SCNN1D: variants seen among roughly 807,000 people sequenced by gnomAD.
SCNN1D encodes sodium channel epithelial 1 subunit delta.
SCNN1D carries 104 observed loss-of-function variants against 87.8 expected under a neutral mutation model. The observed-to-expected ratio is 1.18, with a 90% CI of 1.01 to 1.39. SCNN1D has a LOEUF of 1.39. SCNN1D is among the 40% of genes most tolerant of loss of function. The pLI is 0.00. For synonymous variants in SCNN1D, 628 were observed against 481.2 expected (o/e 1.31, Z -3.99); for missense variants, 1,324 against 1,093.9 (o/e 1.21, Z -2.97).
intron 4 of SCNN1D, among the ~76,000 whole-genome samples, chr1:1,282,816 G>A (rs983697719): frequency 7.9e-5 from 12 of 151,140 alleles, no homozygotes; most frequent in African/African-American, 2.2e-4. Context: ...GCAGTGGCAC[G>A]ATCTCGGCTC....
At chr1:1,286,412 A>C in intron 7 of SCNN1D, 134 bp downstream of exon 7, 4 of 756,808 alleles carry the variant, frequency 5.3e-6, no homozygotes, top group Non-Finnish European at 8.3e-6. Context: ...CCTCCTGGTC[A>C]CTGTGACCTC....
At position 1,287,996 on chromosome 1, in the gene SCNN1D, G is replaced by A. The variant is rs202246275; in HGVS notation, c.1621G>A (p.Val541Met). The change falls in exon 12 of 18, where the codon GTG becomes ATG. Residue 541 changes from valine (V) to methionine (M), a missense_variant. Val to Met is a conservative substitution (Grantham distance 21). Transcript: ENST00000379116. The stretch of plus-strand genomic sequence containing the variant: ...CCACTGCACCGCCGGCGGGGAAGGC[G>A]TGGAGGTGGAGCTGCTACACAACAC... ...YGHCTAGGEG[V>M]EVELLHNTSY... The A allele has an allele frequency of 7.1e-6, 11 of 1,545,812 alleles. No homozygotes were observed. Among genetic ancestry groups the A allele is most frequent in the Middle Eastern group, 1.7e-4 (1 of 5,824 alleles).
rs750499632 is a variant in SCNN1D, at chr1:1,290,406, C to T, written c.1780+18C>T. ...TGCCTGGGGTGAGTCCTGCTCGCTG[C>T]CTCCCACTCTGTCAGCCATTAGCCG... is the stretch of plus-strand genomic sequence containing the variant. On this transcript the variant is annotated intron_variant, in intron 13 of 17. Coordinates refer to ENST00000379116, the MANE Select transcript of SCNN1D (RefSeq NM_001130413.4). 6 of 1,607,388 alleles carry T rather than the reference C, an allele frequency of 3.7e-6. No homozygotes were observed. The Admixed American group carries it at 5.0e-5, about 13-fold the overall frequency.
At chr1:1,280,758 G>A in intron 1 of SCNN1D, 92 bp downstream of exon 1, 2 of 668,792 alleles carry the variant, frequency 3.0e-6, no homozygotes, top group Non-Finnish European at 2.8e-6. Flanking sequence ...CATCCAGACA[G>A]TTCAGGGCTT....
intron 7 of SCNN1D, 26 bp from the exon 8 acceptor site, chr1:1,286,739 AACT>A: frequency 6.2e-7 from 1 of 1,604,434 alleles, no homozygotes; most frequent in Non-Finnish European, 8.5e-7. Flanking sequence ...CCGGGCCGGC[AACT>A]CTGACTCCAG....
Position 1,285,924 on chromosome 1 carries a change from A to G in SCNN1D, c.559-2A>G, listed in dbSNP as rs1382301251. On this transcript the variant is annotated splice_acceptor_variant, in intron 6 of 17. Transcript: ENST00000379116. LOFTEE classifies it high-confidence loss of function. ...GCCCTGCTGAGGCCACTCTGCACAC[A>G]GGCTGCAGCCCAGACGCCCCCCAGG... 1.3e-6 allele frequency: 2 copies of G among 1,543,004 alleles called. No individual in the cohort carries two copies. Among genetic ancestry groups the G allele is most frequent in the Non-Finnish European group, 1.7e-6 (2 of 1,142,884 alleles).
chr1:1,284,077 G>T lies in SCNN1D; in HGVS notation c.451G>T (p.Ala151Ser). Residue 151 changes from alanine (A) to serine (S), a missense_variant, in exon 5 of 18, where the codon GCT (alanine) becomes TCT (serine). Coordinates refer to ENST00000379116, the MANE Select transcript of SCNN1D (RefSeq NM_001130413.4). The stretch of plus-strand genomic sequence containing the variant: ...AGAATGGAAGCAGCCACACGGGGGG[G>T]CTCTCACCTCCAGGTACCGTGGGGG... ...TGEWKQPHGG[A>S]LTSRSPGPVA... is the part of the protein sequence containing the mutation. 1.9e-6 allele frequency: 2 copies of T among 1,077,832 alleles called. No individual in the cohort carries two copies. The highest frequency in any genetic ancestry group is 1.1e-6 in the Non-Finnish European group (1 of 880,276). 66.8% of individuals were successfully genotyped at this position (1,077,832 alleles called of 1,614,324 possible).
intron 12 of SCNN1D, among the ~76,000 whole-genome samples, chr1:1,288,678 CCGTCCCGTGTCCCTGCT>C (rs1640691415): frequency 1.3e-5 from 1 of 79,778 alleles, no homozygotes; most frequent in Non-Finnish European, 2.4e-5. Flanking sequence ...TGTCTCTGCT[CCGTCCCGTGTCCCTGCT>C]CCGTCCCCCG....
At position 1,287,993 on chromosome 1, in the gene SCNN1D, G is replaced by A. The variant is rs754767328; in HGVS notation, c.1618G>A (p.Gly540Ser). 1.9e-6 allele frequency: 3 copies of A among 1,546,470 alleles called. No homozygotes were observed. Among genetic ancestry groups the A allele is most frequent in the South Asian group, 1.2e-5 (1 of 83,796 alleles). Residue 540 changes from glycine (G) to serine (S), a missense_variant, in exon 12 of 18, where the codon GGC becomes AGC. Physicochemically the swap from Gly to Ser is moderately conservative, Grantham distance 56. Transcript: ENST00000379116. ...PYGHCTAGGE[G>S]VEVELLHNTS... ...CGGCCACTGCACCGCCGGCGGGGAA[G>A]GCGTGGAGGTGGAGCTGCTACACAA...
chr1:1,282,145 CA>C (rs921830545), intron 3 of SCNN1D, 96 bp from the exon 4 acceptor site: 1 of 743,990 alleles, frequency 1.3e-6, no homozygotes, highest in Non-Finnish European at 2.3e-6. Flanking sequence ...CTTGGAGAGG[CA>C]CCCCAGCCCC....
In SCNN1D at chr1:1,286,189, C is replaced by T. The variant is rs1640586653; in HGVS notation, c.822C>T (p.His274=). The change falls in exon 7 of 18, where the codon CAC becomes CAT. Residue 274 remains histidine, a synonymous_variant. Transcript: ENST00000379116. ...CWQLGLLFER[H]WHRPVLMAVS... is the part of the protein sequence containing the mutation. Reference sequence around the variant, plus strand: ...AGCTGGGGCTCCTCTTTGAGCGTCACTGGCACCGCCCGGTCCTCATGGCCG... The same window carrying T: ...AGCTGGGGCTCCTCTTTGAGCGTCATTGGCACCGCCCGGTCCTCATGGCCG... 11 of 1,602,926 alleles carry T rather than the reference C, an allele frequency of 6.9e-6. No individual in the cohort carries two copies. Among genetic ancestry groups the T allele is most frequent in the African/African-American group, 1.3e-5 (1 of 74,988 alleles).
At chr1:1,290,409 C>T (rs1557586889) in intron 13 of SCNN1D, 21 bp downstream of exon 13, 1 of 1,608,850 alleles carries the variant, frequency 6.2e-7, no homozygotes, top group Non-Finnish European at 8.5e-7. Context: ...CTCGCTGCCT[C>T]CCACTCTGTC....
chr1:1,287,808 G>C lies in SCNN1D; in HGVS notation c.1535G>C (p.Gly512Ala). 1 of 1,572,054 alleles carries C rather than the reference G, an allele frequency of 6.4e-7. No homozygotes were observed. The highest frequency in any genetic ancestry group is 8.6e-7 in the Non-Finnish European group (1 of 1,158,478). Reference protein sequence around the residue: ...LGHHSFSVRPGTEATISIRED... With the variant: ...LGHHSFSVRPATEATISIRED... ...CACCACAGCTTCAGCGTCCGGCCAGGGACGGAGGCCACCATCAGCATCCGA... is the reference window on the plus strand; with the variant it reads ...CACCACAGCTTCAGCGTCCGGCCAGCGACGGAGGCCACCATCAGCATCCGA... Residue 512 changes from glycine (G) to alanine (A), a missense_variant, in exon 11 of 18, where the codon GGG (glycine) becomes GCG (alanine). By Grantham distance (60) the Gly-to-Ala change is moderately conservative. Transcript: ENST00000379116.
Position 1,284,030 on chromosome 1 carries a change from T to C in SCNN1D, c.404T>C (p.Leu135Pro). ...LQSCQLPPQW[L>P]STEAWTGEWK... ...AGCTGCCAGCTGCCCCCGCAATGGC[T>C]GAGCACCGAAGCATGGACGGGAGAA... is the stretch of plus-strand genomic sequence containing the variant. The change falls in exon 5 of 18, where the codon CTG becomes CCG. Residue 135 changes from leucine to proline, a missense_variant. Leu to Pro is a moderately conservative substitution (Grantham distance 98, BLOSUM62 -3). Transcript: ENST00000379116. 2.1e-6 allele frequency: 3 copies of C among 1,397,594 alleles called. No individual in the cohort carries two copies. Among genetic ancestry groups the C allele is most frequent in the Non-Finnish European group, 2.8e-6 (3 of 1,081,772 alleles). The allele number at this position is 1,397,594 out of a possible 1,614,324, so 86.6% of individuals were successfully genotyped here.
chr1:1,291,682 GGCCCAGGGTGGGCCAGACCAGCA>G lies in SCNN1D; in HGVS notation c.*80_*102del. On this transcript the variant is annotated 3_prime_UTR_variant, in exon 18 of 18. Transcript: ENST00000379116. ...CTGTGGCAGCAGCAGGCTCCCCAGCGGCCCAGGGTGGGCCAGACCAGCAGCCCAGGAAGCAGCACACGCGGCCG... is the reference window on the plus strand; with the variant it reads ...CTGTGGCAGCAGCAGGCTCCCCAGCGGCCCAGGAAGCAGCACACGCGGCCG... 3.2e-6 allele frequency: 4 copies of G among 1,239,248 alleles called. No homozygotes were observed. The highest frequency in any genetic ancestry group is 4.4e-6 in the Non-Finnish European group (4 of 908,224). The allele number at this position is 1,239,248 out of a possible 1,614,324, so 76.8% of individuals were successfully genotyped here. A position where few individuals can be genotyped will look rare whatever the true frequency, so the allele number is the denominator to read the frequency against.
Position 1,281,548 on chromosome 1 carries a change from G to A in SCNN1D, c.215G>A (p.Gly72Glu). ...GGACCATGTGGATTCACCAGTGCTG[G>A]ACATGTGCTCTGTGGCTACCCCCTC... ...GGGPCGFTSA[G>E]HVLCGYPLCL... The change falls in exon 3 of 18, where the codon GGA (glycine) becomes GAA (glutamate). Residue 72 changes from glycine (G) to glutamate (E), a missense_variant. Coordinates refer to ENST00000379116, the MANE Select transcript of SCNN1D (RefSeq NM_001130413.4). 6.5e-7 allele frequency: 1 copy of A among 1,535,802 alleles called. No homozygotes were observed. Among genetic ancestry groups the A allele is most frequent in the Non-Finnish European group, 8.7e-7 (1 of 1,146,788 alleles).
At position 1,291,599 on chromosome 1, in the gene SCNN1D, CTG is replaced by C. The variant is rs1640821390; in HGVS notation, c.2399_2400del (p.Leu800ArgfsTer114). ...GGCTGGGCCCCAGCCCCTTGAGACT[CTG>C]GACACCTGAACCAGACCTGCCAGGG... The part of the protein sequence containing the change: ...SWAGPQPLET[L>X]DT On this transcript the variant is annotated frameshift_variant, in exon 18 of 18. Transcript: ENST00000379116. LOFTEE classifies it high-confidence loss of function. 1 of 1,535,476 alleles carries C rather than the reference CTG, an allele frequency of 6.5e-7. No individual in the cohort carries two copies. Among genetic ancestry groups the C allele is most frequent in the South Asian group, 1.2e-5 (1 of 81,240 alleles).
At chr1:1,290,226 G>T (rs781761549) in intron 12 of SCNN1D, 45 bp from the exon 13 acceptor site, 1 of 1,412,114 alleles carries the variant, frequency 7.1e-7, no homozygotes, top group Non-Finnish European at 9.6e-7. Flanking sequence ...CGTCCCCCAT[G>T]TCTCCGCTCC....
chr1:1,291,283 C>T lies in SCNN1D; in HGVS notation c.2082C>T (p.Ser694=). ...CGCAGCTGCTCTCGGCCATGGGCAG[C>T]CTCTGCAGCCTGTGGTTTGGGGCCT... The part of the protein sequence containing the change: ...SVPQLLSAMG[S]LCSLWFGASV... Residue 694 remains serine, a synonymous_variant, in exon 18 of 18, where the codon AGC becomes AGT. Coordinates refer to ENST00000379116, the MANE Select transcript of SCNN1D (RefSeq NM_001130413.4). 1 of 1,567,326 alleles carries T rather than the reference C, an allele frequency of 6.4e-7. No homozygotes were observed. Among genetic ancestry groups the T allele is most frequent in the Non-Finnish European group, 8.6e-7 (1 of 1,158,690 alleles).
Sources: allele counts gnomAD v4.1 joint callset (sites outside exome capture counted in the v4.1 genomes callset), GRCh38; gene constraint gnomAD v4.1.1; transcripts MANE v1.5; gene names NCBI Gene and HGNC (gene_info 2026-07-23, HGNC 2026-07-21).